TRPM3: variants seen among roughly 807,000 people sequenced by gnomAD.
TRPM3 encodes long transient receptor potential channel 3.
A neutral mutation model predicts 181.2 loss-of-function variants in TRPM3; 77 were observed. That is an observed-to-expected ratio of 0.42 (90% confidence interval 0.35 to 0.51). The LOEUF (loss-of-function observed/expected upper bound fraction) is 0.51. Among genes scored for constraint, TRPM3 ranks in the 20% least tolerant of loss-of-function variants. TRPM3 has a pLI of 0.01. For synonymous variants in TRPM3, 745 were observed against 796.4 expected (o/e 0.94, Z 1.09); for missense variants, 1,759 against 2,196.7 (o/e 0.80, Z 3.98).
intron 1 of TRPM3, among the ~76,000 whole-genome samples, chr9:70,906,077 TA>T (rs1458698639): frequency 6.6e-6 from 1 of 152,172 alleles, no homozygotes; most frequent in Admixed American, 6.5e-5. Context: ...CAAACAATAA[TA>T]GCTCATAAAC....
At chr9:70,764,918 C>T (rs1437467847) in intron 7 of TRPM3, among the ~76,000 whole-genome samples, 1 of 152,138 alleles carries the variant, frequency 6.6e-6, no homozygotes, top group African/African-American at 2.4e-5. Context: ...TATTAGGTCT[C>T]ATGCCTTTGG....
Position 71,201,727 on chromosome 9 carries a change from G to A in TRPM3, c.183+244926C>T, listed in dbSNP as rs537328180. Among the ~76,000 whole-genome samples the A allele has an allele frequency of 2.0e-5, 3 of 152,192 alleles. No homozygotes were observed. In the South Asian group the frequency reaches 6.2e-4, roughly 32 times the overall value. On this transcript the variant is annotated intron_variant, in intron 1 of 24. Transcript: ENST00000357533. Reference sequence around the variant, plus strand: ...CGAGCCTTGGCTTTCAGCTCCATCAGCTCCTTTGCCTTTGGTTTGAATTGA... The same window carrying A: ...CGAGCCTTGGCTTTCAGCTCCATCAACTCCTTTGCCTTTGGTTTGAATTGA...
intron 1 of TRPM3, among the ~76,000 whole-genome samples, chr9:71,250,994 T>C (rs1216926907): frequency 3.3e-5 from 5 of 152,208 alleles, no homozygotes; most frequent in Non-Finnish European, 5.9e-5. Flanking sequence ...ATTTGCTTTG[T>C]TCCAAAAAGA....
Position 70,923,918 on chromosome 9 carries a change from A to G in TRPM3, c.178-59407T>C, listed in dbSNP as rs562014117. 1.1e-4 allele frequency among the ~76,000 whole-genome samples: 12 copies of G among 104,822 alleles called. No individual in the cohort carries two copies. The East Asian group carries it at 4.3e-3, about 38-fold the overall frequency. The allele number at this position is 104,822 out of a possible 152,430, so 68.8% of individuals were successfully genotyped here. A position where few individuals can be genotyped will look rare whatever the true frequency, so the allele number is the denominator to read the frequency against. On this transcript the variant is annotated intron_variant, in intron 1 of 25. Transcript: ENST00000677713. ...TATACATACACACACACATATATAC[A>G]TATATACACACATATATACATATAT...
chr9:71,213,561 A>C (rs1417938923), intron 1 of TRPM3, among the ~76,000 whole-genome samples: 1 of 152,202 alleles, frequency 6.6e-6, no homozygotes, highest in Non-Finnish European at 1.5e-5. Context: ...GATATGACAG[A>C]AATGGAAAAC....
intron 8 of TRPM3, among the ~76,000 whole-genome samples, chr9:70,739,186 T>C (rs2073436511): frequency 6.6e-6 from 1 of 152,088 alleles, no homozygotes; most frequent in African/African-American, 2.4e-5. Flanking sequence ...AAAGGAAAAC[T>C]ACAGACCGAT....
At position 70,918,508 on chromosome 9, in the gene TRPM3, T is replaced by C. The variant is rs967363117; in HGVS notation, c.178-53997A>G. 1.8e-4 allele frequency among the ~76,000 whole-genome samples: 27 copies of C among 152,034 alleles called. 1 individual carries two copies. The highest frequency in any genetic ancestry group is 6.5e-4 in the African/African-American group (27 of 41,392). On this transcript the variant is annotated intron_variant, in intron 1 of 25. Transcript: ENST00000677713. The stretch of plus-strand genomic sequence containing the variant: ...ATACAAATACATGGAAATTAAACAA[T>C]ATGCATGACCAGTGGGTCAATGAAG...
At position 71,412,301 on chromosome 9, in the gene TRPM3, A is replaced by G. The variant is rs958616170; in HGVS notation, c.183+34352T>C. Among the ~76,000 whole-genome samples the G allele has an allele frequency of 1.4e-4, 21 of 152,214 alleles. 1 individual carries two copies. Among genetic ancestry groups the G allele is most frequent in the African/African-American group, 4.6e-4 (19 of 41,556 alleles). ...CACAGCAAAAGAAACTACCATCAGA[A>G]TGAACAGGCAACCTACAGAATGGGA... On this transcript the variant is annotated intron_variant, in intron 1 of 24. Coordinates refer to the TRPM3 transcript ENST00000357533.
Position 70,843,087 on chromosome 9 carries a change from G to A in TRPM3, c.717C>T (p.Ala239=). 1 of 1,613,164 alleles carries A rather than the reference G, an allele frequency of 6.2e-7. No homozygotes were observed. The highest frequency in any genetic ancestry group is 8.5e-7 in the Non-Finnish European group (1 of 1,179,710). ...RHVGDALKDH[A]SKSRGKICTI... ...TGCATATCTTTCCTCGAGACTTAGAGGCATGATCCTTCAAGGCATCGCCAA... is the reference window on the plus strand; with the variant it reads ...TGCATATCTTTCCTCGAGACTTAGAAGCATGATCCTTCAAGGCATCGCCAA... The change falls in exon 5 of 26, where the codon GCC becomes GCT. Residue 239 remains alanine (A), a synonymous_variant. Coordinates refer to ENST00000677713, the MANE Select transcript of TRPM3 (RefSeq NM_001366145.2).
intron 1 of TRPM3, among the ~76,000 whole-genome samples, chr9:71,135,178 A>G (rs940157200): frequency 2.0e-5 from 3 of 152,324 alleles, no homozygotes; most frequent in East Asian, 3.9e-4. Context: ...TTCCATTGGT[A>G]TCTTATCCAT....
chr9:70,826,194 C>G (rs765957614), intron 6 of TRPM3: 1 of 152,204 alleles, frequency 6.6e-6, no homozygotes, highest in Non-Finnish European at 1.5e-5. Context: ...CTTATAAAAA[C>G]CTAAATAGAT....
chr9:70,608,732 C>T (rs186408131), intron 19 of TRPM3, among the ~76,000 whole-genome samples: 54 of 152,068 alleles, frequency 3.6e-4, no homozygotes, highest in Admixed American at 3.3e-3. Context: ...CCCAGCTACT[C>T]GGGAGGCTGA....
intron 1 of TRPM3, among the ~76,000 whole-genome samples, chr9:71,284,699 T>C (rs1008224857): frequency 6.6e-6 from 1 of 152,210 alleles, no homozygotes; most frequent in Non-Finnish European, 1.5e-5. Context: ...GAGGGAAATG[T>C]TATTCACTAA....
At chr9:71,190,348 T>C (rs1211504694) in intron 1 of TRPM3, among the ~76,000 whole-genome samples, 2 of 151,950 alleles carry the variant, frequency 1.3e-5, no homozygotes, top group Non-Finnish European at 2.9e-5. Context: ...AAGCATTAAA[T>C]TGGTATTTGC....
intron 1 of TRPM3, among the ~76,000 whole-genome samples, chr9:70,942,551 T>G (rs1220281838): frequency 6.6e-6 from 1 of 152,240 alleles, no homozygotes; most frequent in Non-Finnish European, 1.5e-5. Flanking sequence ...GCTTCTTGTC[T>G]TCTTTGCCAG....
chr9:70,633,429 A>G (rs1305573972), intron 12 of TRPM3, among the ~76,000 whole-genome samples: 2 of 152,214 alleles, frequency 1.3e-5, no homozygotes, highest in Non-Finnish European at 2.9e-5. Context: ...TAGACCAGTG[A>G]AAGACACAAT....
At chr9:71,317,962 G>A (rs2088806905) in intron 1 of TRPM3, among the ~76,000 whole-genome samples, 1 of 152,010 alleles carries the variant, frequency 6.6e-6, no homozygotes, top group African/African-American at 2.4e-5. Flanking sequence ...ATTTAAAATA[G>A]AATGGGAGGC....
At chr9:70,930,763 C>A (rs947467383) in intron 1 of TRPM3, among the ~76,000 whole-genome samples, 1 of 152,020 alleles carries the variant, frequency 6.6e-6, no homozygotes, top group Non-Finnish European at 1.5e-5. Context: ...TCCTTAAATA[C>A]TTTTGGTAAA....
At chr9:70,554,068 G>A (rs1264110705) in intron 22 of TRPM3, among the ~76,000 whole-genome samples, 1 of 150,336 alleles carries the variant, frequency 6.7e-6, no homozygotes, top group Non-Finnish European at 1.5e-5. Context: ...GGCAAATGGG[G>A]GGAAAAAAAA....
Sources: allele counts gnomAD v4.1 joint callset (sites outside exome capture counted in the v4.1 genomes callset), GRCh38; gene constraint gnomAD v4.1.1; transcripts MANE v1.5; gene names NCBI Gene and HGNC (gene_info 2026-07-23, HGNC 2026-07-21).